The following SNED1 variants were observed in gnomAD, a reference collection of about 807,000 sequenced individuals.
The protein encoded by SNED1 is sushi, nidogen and EGF-like domain-containing protein 1.
SNED1 carries 81 observed loss-of-function variants against 166.7 expected under a neutral mutation model. That is an observed-to-expected ratio of 0.49 (90% confidence interval 0.41 to 0.58). The LOEUF is 0.58. Ranked by LOEUF, SNED1 falls within the 20% of genes least tolerant of loss-of-function variation. The probability of loss-of-function intolerance (pLI) is 0.00; values close to 1 mark genes in which losing one functional copy is unlikely to be tolerated. For missense variants in SNED1, 1,604 were observed against 2,000.2 expected (o/e 0.80, Z 3.78); for synonymous variants, 762 against 822.0 (o/e 0.93, Z 1.25).
intron 25 of SNED1, 32 bp from the exon 26 acceptor site, chr2:241,071,764 G>T: frequency 6.5e-7 from 1 of 1,530,606 alleles, no homozygotes; most frequent in Non-Finnish European, 8.8e-7. Context: ...GGCGGCGCTC[G>T]GACTGTGGTG....
At chr2:241,005,361 C>T (rs2060195355) in intron 1 of SNED1, among the ~76,000 whole-genome samples, 1 of 151,760 alleles carries the variant, frequency 6.6e-6, no homozygotes, top group African/African-American at 2.4e-5. Context: ...CCACCATCAC[C>T]CCCAGCTAAT....
chr2:241,071,407 G>C, intron 24 of SNED1, 169 bp from the exon 25 acceptor site: 1 of 715,464 alleles, frequency 1.4e-6, no homozygotes, highest in Admixed American at 2.6e-5. Context: ...AGGGAACCCA[G>C]GGCATCTGGG....
chr2:241,089,952 T>C (rs2063808948), intron 31 of SNED1: 9 of 1,543,502 alleles, frequency 5.8e-6, no homozygotes, highest in Non-Finnish European at 7.9e-6. Context: ...ACAGTAAAAA[T>C]AGATATAAAA....
intron 30 of SNED1, 161 bp downstream of exon 30, chr2:241,087,636 T>C (rs2063652066): frequency 3.5e-6 from 5 of 1,437,102 alleles, no homozygotes; most frequent in East Asian, 5.0e-5. Context: ...GCTACGAAAC[T>C]GTATGTCCAT....
rs1204783515 is a variant in SNED1 at position 241,064,179 on chromosome 2, TCTGCCCGCCTG to T, written c.2599+64_2599+74del. Reference sequence around the variant, plus strand: ...CCCTCTGCCCGCCTGCTCCCCGCCCTCTGCCCGCCTGCTGCCCGCCCTCTGCCCGCCTGCTC... The same window carrying T: ...CCCTCTGCCCGCCTGCTCCCCGCCCTCTGCCCGCCCTCTGCCCGCCTGCTC... On this transcript the variant is annotated intron_variant, in intron 19 of 31. Transcript: ENST00000310397. The surrounding 1 kb of genome is among the most constrained non-coding windows in gnomAD (Gnocchi z 7.0). The T allele has an allele frequency of 1.6e-5, 19 of 1,206,074 alleles. No homozygotes were observed. The highest frequency in any genetic ancestry group is 5.3e-4 in the Middle Eastern group (2 of 3,794). The allele number at this position is 1,206,074 out of a possible 1,614,324, so 74.7% of individuals were successfully genotyped here.
At chr2:241,082,105 C>A (rs2063355910) in intron 28 of SNED1, among the ~76,000 whole-genome samples, 172 bp from the exon 29 acceptor site, 1 of 152,174 alleles carries the variant, frequency 6.6e-6, no homozygotes, top group South Asian at 2.1e-4. Flanking sequence ...TACCAACCCA[C>A]CCCGGCCTTA....
chr2:241,035,352 G>A (rs1574944395), intron 4 of SNED1, among the ~76,000 whole-genome samples: 1 of 152,298 alleles, frequency 6.6e-6, no homozygotes, highest in South Asian at 2.1e-4. Flanking sequence ...GACGGGGTGG[G>A]TGTCCCTCCC....
At chr2:241,027,686 G>A (rs924319391) in intron 1 of SNED1, among the ~76,000 whole-genome samples, 16 of 151,556 alleles carry the variant, frequency 1.1e-4, no homozygotes, top group African/African-American at 3.4e-4. Context: ...CAGTGCACAA[G>A]GGTTCCAATT....
At position 241,024,561 on chromosome 2, in the gene SNED1, T is replaced by G. The variant is rs564948626; in HGVS notation, c.214-5723T>G. On this transcript the variant is annotated intron_variant, in intron 1 of 31. Coordinates refer to ENST00000310397, the MANE Select transcript of SNED1 (RefSeq NM_001080437.3). ...GCACCCAGCCACCCTACTACCTTTT[T>G]TGTGCAAAATTTCCCACTGTTTTAT... Among the ~76,000 whole-genome samples, 287 of 152,018 alleles carry G rather than the reference T, an allele frequency of 1.9e-3. 7 individuals carry two copies. The South Asian group carries it at 0.058, about 31-fold the overall frequency.
intron 27 of SNED1, among the ~76,000 whole-genome samples, chr2:241,079,208 C>A (rs1005734447): frequency 1.6e-4 from 24 of 150,188 alleles, no homozygotes; most frequent in Non-Finnish European, 2.8e-4. Flanking sequence ...TTCAGGAGAT[C>A]GAGACCATCC....
At chr2:241,049,676 G>T in intron 11 of SNED1, 141 bp from the exon 12 acceptor site, 1 of 633,568 alleles carries the variant, frequency 1.6e-6, no homozygotes, top group East Asian at 2.7e-5. Context: ...GAATCAAGAT[G>T]CCCACAGAGT....
At chr2:241,088,084 GC>G in intron 30 of SNED1, 1 of 483,720 alleles carries the variant, frequency 2.1e-6, no homozygotes, top group Non-Finnish European at 3.7e-6. Context: ...CCCTAGGGTA[GC>G]TTTTGCTTGC....
chr2:241,036,259 A>G (rs768235353), intron 4 of SNED1, among the ~76,000 whole-genome samples: 2 of 151,804 alleles, frequency 1.3e-5, no homozygotes, highest in African/African-American at 2.4e-5. Context: ...ACACTGGGGC[A>G]CGAACAGGCC....
At chr2:241,048,530 G>A (rs182015555) in intron 9 of SNED1, 90 bp downstream of exon 9, 8 of 1,505,622 alleles carry the variant, frequency 5.3e-6, no homozygotes, top group East Asian at 4.8e-5. Context: ...GAAACGCCCC[G>A]AAAAGAAACG....
chr2:240,997,904 G>T (rs1406981432), upstream of SNED1, among the ~76,000 whole-genome samples: 1 of 152,202 alleles, frequency 6.6e-6, no homozygotes, highest in East Asian at 1.9e-4. Context: ...AGAGACAGGG[G>T]GCAGGGCTGG....
chr2:241,040,429 C>T lies in SNED1; in HGVS notation c.1273+16C>T. 2 of 1,512,522 alleles carry T rather than the reference C, an allele frequency of 1.3e-6. No homozygotes were observed. Among genetic ancestry groups the T allele is most frequent in the South Asian group, 1.2e-5 (1 of 82,112 alleles). 93.7% of individuals were successfully genotyped at this position (1,512,522 alleles called of 1,614,324 possible). A position where few individuals can be genotyped will look rare whatever the true frequency, so the allele number is the denominator to read the frequency against. ...TGTGAGACAGGTAACTGGCCAAGTG[C>T]CTGCAGGCCACCATGGCTGATGGTG... On this transcript the variant is annotated intron_variant, in intron 8 of 31. Transcript: ENST00000310397.
chr2:241,004,611 G>A (rs1241977744), intron 1 of SNED1, among the ~76,000 whole-genome samples: 2 of 152,110 alleles, frequency 1.3e-5, no homozygotes, highest in Non-Finnish European at 2.9e-5. Context: ...TTTCAAGTAT[G>A]ATATAATAAT....
At chr2:241,070,430 T>C (rs970625705) in intron 24 of SNED1, among the ~76,000 whole-genome samples, 7 of 152,212 alleles carry the variant, frequency 4.6e-5, no homozygotes, top group Non-Finnish European at 1.5e-5. Context: ...AATAAGCACA[T>C]TGAGCCTCAG....
chr2:241,030,711 C>A lies in SNED1; in HGVS notation c.501+140C>A, dbSNP rs906044516. 3 of 933,868 alleles carry A rather than the reference C, an allele frequency of 3.2e-6. No individual in the cohort carries two copies. In the East Asian group the frequency reaches 7.9e-5, roughly 25 times the overall value. 57.8% of individuals were successfully genotyped at this position (933,868 alleles called of 1,614,324 possible). A position where few individuals can be genotyped will look rare whatever the true frequency, so the allele number is the denominator to read the frequency against. The stretch of plus-strand genomic sequence containing the variant: ...CAAGAGGGGAACACGTGGTCAAAAC[C>A]ACAGAGCCAGAGCAGAAGAGGACAC... On this transcript the variant is annotated intron_variant, in intron 2 of 31. Coordinates refer to ENST00000310397, the MANE Select transcript of SNED1 (RefSeq NM_001080437.3).
Sources: gnomAD v4.1 joint callset for allele counts (sites outside exome capture counted in the v4.1 genomes callset) on GRCh38, gnomAD v4.1.1 for gene constraint, Gnocchi (gnomAD v3.1) non-coding constraint, MANE v1.5 for transcripts, NCBI Gene and HGNC (gene_info 2026-07-23, HGNC 2026-07-21) for gene names.